Variants in NDUFAF6 observed in about 807,000 individuals in gnomAD.
NDUFAF6 encodes the protein NADH:ubiquinone oxidoreductase complex assembly factor 6, also known as NADH dehydrogenase (ubiquinone) complex I, assembly factor 6.
In NDUFAF6, 45 loss-of-function variants were observed where a neutral mutation model predicts 40.8. That is an observed-to-expected ratio of 1.10 (90% CI 0.87 to 1.42). NDUFAF6 has a LOEUF of 1.42. NDUFAF6 is among the 40% of genes most tolerant of loss of function. The probability of loss-of-function intolerance (pLI) is 0.00; values close to 1 mark genes in which losing one functional copy is unlikely to be tolerated. For synonymous variants in NDUFAF6, 185 were observed against 155.9 expected, an observed-to-expected ratio of 1.19 and a Z score of -1.39; for missense variants, 435 against 418.5, an observed-to-expected ratio of 1.04 and a Z score of -0.34.
chr8:95,109,457 C>T (rs1286966383), intron 4 of NDUFAF6, among the ~76,000 whole-genome samples: 1 of 152,158 alleles, frequency 6.6e-6, no homozygotes, highest in African/African-American at 2.4e-5. Flanking sequence ...GGCTGTTTAT[C>T]CATTGGAAGA....
intron 8 of NDUFAF6, chr8:95,055,441 A>AT (rs1444700446): frequency 6.6e-6 from 1 of 152,148 alleles, no homozygotes; most frequent in Admixed American, 6.6e-5. Flanking sequence ...TTTATTGAGC[A>AT]TTTTTTTGAA....
chr8:94,979,921 C>A (rs1360936059), intron 1 of NDUFAF6, among the ~76,000 whole-genome samples: 1 of 152,038 alleles, frequency 6.6e-6, no homozygotes, highest in Non-Finnish European at 1.5e-5. Context: ...ATGGCAAAAA[C>A]CTCATCTCTA....
At chr8:95,013,469 T>C (rs1164472326) in intron 2 of NDUFAF6, among the ~76,000 whole-genome samples, 2 of 152,192 alleles carry the variant, frequency 1.3e-5, no homozygotes, top group Non-Finnish European at 2.9e-5. Context: ...ATAAATGACA[T>C]CTGAGAAGTC....
At chr8:94,958,553 G>A (rs1487474740) in intron 1 of NDUFAF6, among the ~76,000 whole-genome samples, 1 of 27,452 alleles carries the variant, frequency 3.6e-5, no homozygotes, top group Non-Finnish European at 6.6e-5. Context: ...TTTTTTTTTT[G>A]AGATGGAGTC....
intron 1 of NDUFAF6, among the ~76,000 whole-genome samples, chr8:94,916,037 G>A (rs1000660060): frequency 3.9e-5 from 6 of 152,186 alleles, no homozygotes; most frequent in African/African-American, 1.2e-4. Flanking sequence ...AGCTAGGAGA[G>A]GCCATTGAAT....
chr8:95,004,749 CA>C (rs1826886030), intron 2 of NDUFAF6, among the ~76,000 whole-genome samples: 1 of 152,046 alleles, frequency 6.6e-6, no homozygotes, highest in African/African-American at 2.4e-5. Flanking sequence ...GGGCTTGCAC[CA>C]GGGAAAAACA....
chr8:94,930,370 G>C, intron 1 of NDUFAF6: 1 of 1,438,782 alleles, frequency 7.0e-7, no homozygotes, highest in Non-Finnish European at 9.5e-7. Context: ...AAAACTATGT[G>C]ATTGGTTATC....
At chr8:94,971,127 G>A (rs898706575) in intron 1 of NDUFAF6, among the ~76,000 whole-genome samples, 2 of 152,188 alleles carry the variant, frequency 1.3e-5, no homozygotes, top group African/African-American at 2.4e-5. Context: ...AGCATAATTC[G>A]AATCCAAAAA....
chr8:94,995,817 G>A (rs545706736), intron 2 of NDUFAF6, among the ~76,000 whole-genome samples: 85 of 152,144 alleles, frequency 5.6e-4, no homozygotes, highest in African/African-American at 1.6e-3. Context: ...TCGCTCTGTC[G>A]CCCAGGCTGG....
chr8:94,919,336 T>G (rs565589693), intron 1 of NDUFAF6, among the ~76,000 whole-genome samples: 37 of 152,286 alleles, frequency 2.4e-4, no homozygotes, highest in African/African-American at 8.9e-4. Context: ...TGTGAGCTCC[T>G]GCGCCTGTGA....
intron 4 of NDUFAF6, among the ~76,000 whole-genome samples, chr8:95,110,483 A>G (rs1484239961): frequency 3.9e-5 from 6 of 152,224 alleles, no homozygotes; most frequent in African/African-American, 1.2e-4. Context: ...GAGTGCTTCT[A>G]TGTTCCAGGC....
At chr8:95,075,992 C>T (rs1424802852) in exon 10 of NDUFAF6, 3 of 258,308 alleles carry the variant, frequency 1.2e-5, no homozygotes, top group Admixed American at 4.7e-5. Context: ...GCTTTGAAAT[C>T]TCTAAAGAGT....
At chr8:95,117,734 C>G (rs1810164915), downstream of NDUFAF6, among the ~76,000 whole-genome samples, 1 of 152,164 alleles carries the variant, frequency 6.6e-6, no homozygotes, top group African/African-American at 2.4e-5. Flanking sequence ...CGGGCCAAGG[C>G]AGCAAAAATT....
downstream of NDUFAF6, among the ~76,000 whole-genome samples, chr8:95,076,399 C>T (rs971579733): frequency 2.6e-5 from 4 of 152,182 alleles, no homozygotes; most frequent in African/African-American, 9.7e-5. Context: ...GAACACTTTG[C>T]CCTGGTCGTG....
chr8:95,034,264 CG>C (rs1829218235), intron 2 of NDUFAF6: 1 of 321,712 alleles, frequency 3.1e-6, no homozygotes, highest in South Asian at 2.6e-5. Context: ...TGACCCTTAT[CG>C]CTATAAACTT....
intron 1 of NDUFAF6, among the ~76,000 whole-genome samples, chr8:94,941,899 G>A (rs181837568): frequency 3.3e-5 from 5 of 152,108 alleles, no homozygotes; most frequent in Admixed American, 1.3e-4. Flanking sequence ...CCTGATGGGC[G>A]TATCAAACCA....
chr8:94,940,037 G>T, intron 1 of NDUFAF6: 1 of 1,614,216 alleles, frequency 6.2e-7, no homozygotes, highest in Non-Finnish European at 8.5e-7. Flanking sequence ...TGGGGGTGGG[G>T]TGATAAACCA....
At chr8:94,956,002 A>G (rs1281337233), upstream of NDUFAF6, among the ~76,000 whole-genome samples, 1 of 152,228 alleles carries the variant, frequency 6.6e-6, no homozygotes, top group Non-Finnish European at 1.5e-5. Flanking sequence ...AACAGAATTT[A>G]AAGTGAGAAG....
chr8:94,958,590 A>T (rs2131464719), intron 1 of NDUFAF6, among the ~76,000 whole-genome samples: 1 of 127,866 alleles, frequency 7.8e-6, no homozygotes, highest in East Asian at 2.3e-4. Context: ...GCTAGAGTGC[A>T]GTGGCATGAT....
Sources: gnomAD v4.1 joint callset for allele counts (sites outside exome capture counted in the v4.1 genomes callset) on GRCh38, gnomAD v4.1.1 for gene constraint, MANE v1.5 for transcripts, NCBI Gene and HGNC (gene_info 2026-07-23, HGNC 2026-07-21) for gene names.